Variants in NDUFAF6 observed in about 807,000 individuals in gnomAD.
NDUFAF6 encodes NADH dehydrogenase (ubiquinone) complex I, assembly factor 6.
Under a neutral mutation model 40.8 loss-of-function variants are expected in NDUFAF6, and 45 were observed. The observed-to-expected ratio is 1.10, with a 90% CI of 0.87 to 1.42. The LOEUF (loss-of-function observed/expected upper bound fraction) is 1.42, where lower values mean the gene tolerates loss of function less well. Among genes scored for constraint, NDUFAF6 ranks in the 40% most tolerant of loss-of-function variants. NDUFAF6 has a pLI of 0.00. For synonymous variants in NDUFAF6, 185 were observed against 155.9 expected (o/e 1.19, Z -1.39); for missense variants, 435 against 418.5 (o/e 1.04, Z -0.34).
At chr8:95,049,621 A>G (rs534906679) in intron 7 of NDUFAF6, among the ~76,000 whole-genome samples, 1 of 152,208 alleles carries the variant, frequency 6.6e-6, no homozygotes, top group African/African-American at 2.4e-5. Flanking sequence ...ACTTACCTGC[A>G]TACCACAGGG....
intron 1 of NDUFAF6, chr8:94,896,591 C>T (rs900599420): frequency 6.6e-6 from 1 of 152,094 alleles, no homozygotes; most frequent in South Asian, 2.1e-4. Flanking sequence ...GTCTCGGAAC[C>T]CGCGGTAGCT....
At chr8:95,074,401 T>C (rs148913919) in intron 9 of NDUFAF6, among the ~76,000 whole-genome samples, 1 of 151,852 alleles carries the variant, frequency 6.6e-6, no homozygotes, top group East Asian at 1.9e-4. Context: ...TGGTCTTTAA[T>C]CTGGGGCCAG....
upstream of NDUFAF6, among the ~76,000 whole-genome samples, chr8:95,097,907 G>A (rs1809519579): frequency 6.6e-6 from 1 of 152,160 alleles, no homozygotes; most frequent in South Asian, 2.1e-4. Flanking sequence ...AGATCTCTAG[G>A]CCTACTGGAG....
At chr8:95,056,905 C>CAAAA (rs33945993) in intron 8 of NDUFAF6, among the ~76,000 whole-genome samples, 1 of 141,070 alleles carries the variant, frequency 7.1e-6, no homozygotes, top group African/African-American at 2.6e-5. Flanking sequence ...GACTCTGTCT[C>CAAAA]AAAAAAAAAA....
At position 95,035,594 on chromosome 8, in the gene NDUFAF6, C is replaced by A. The variant is rs1203098201; in HGVS notation, c.420+18C>A. Reference sequence around the variant, plus strand: ...TATGGAAGGTAAAAAAAAAAAAATACCACTTTTAATTTGTATGAATATTAT... The same window carrying A: ...TATGGAAGGTAAAAAAAAAAAAATAACACTTTTAATTTGTATGAATATTAT... On this transcript the variant is annotated intron_variant, in intron 3 of 8. Coordinates refer to ENST00000396124, the MANE Select transcript of NDUFAF6 (RefSeq NM_152416.4). 7.2e-7 allele frequency: 1 copy of A among 1,394,756 alleles called. No homozygotes were observed. Among genetic ancestry groups the A allele is most frequent in the African/African-American group, 1.5e-5 (1 of 68,334 alleles). 86.4% of individuals were successfully genotyped at this position (1,394,756 alleles called of 1,614,324 possible).
intron 2 of NDUFAF6, among the ~76,000 whole-genome samples, chr8:95,012,643 A>AAAATAAATAAATAAATAAATAAAT (rs61552543): frequency 5.5e-4 from 81 of 147,418 alleles, no homozygotes; most frequent in African/African-American, 1.9e-3. Flanking sequence ...CTCTGTCTCT[A>AAAATAAATAAATAAATAAATAAAT]AAATAAATAA....
downstream of NDUFAF6, among the ~76,000 whole-genome samples, chr8:95,059,755 A>G (rs1165392058): frequency 6.6e-6 from 1 of 152,178 alleles, no homozygotes; most frequent in African/African-American, 2.4e-5. Flanking sequence ...AGGCCGAGGC[A>G]GGAGAATCAC....
intron 9 of NDUFAF6, among the ~76,000 whole-genome samples, chr8:95,066,616 A>G (rs1587221984): frequency 2.6e-5 from 4 of 151,770 alleles, no homozygotes; most frequent in African/African-American, 9.7e-5. Flanking sequence ...TCTCTCTTTC[A>G]CTGTGTTTAA....
At chr8:95,092,578 C>CTTTTT (rs528845192) in intron 2 of NDUFAF6, among the ~76,000 whole-genome samples, 1 of 77,800 alleles carries the variant, frequency 1.3e-5, no homozygotes, top group Non-Finnish European at 2.2e-5. Context: ...CTCACGAAGC[C>CTTTTT]TTTTTTTTTT....
chr8:94,960,672 CA>C (rs539973469), intron 1 of NDUFAF6, among the ~76,000 whole-genome samples: 246 of 152,290 alleles, frequency 1.6e-3, no homozygotes, highest in African/African-American at 5.6e-3. Flanking sequence ...CAGTATCCTC[CA>C]AAGTGTTTGT....
intron 2 of NDUFAF6, among the ~76,000 whole-genome samples, chr8:94,997,621 A>G (rs1406005723): frequency 1.3e-5 from 2 of 152,180 alleles, no homozygotes; most frequent in African/African-American, 4.8e-5. Flanking sequence ...GTCTTATTAA[A>G]AGGATTCACA....
At chr8:95,045,700 A>T in intron 5 of NDUFAF6, 53 bp downstream of exon 5, 2 of 1,441,326 alleles carry the variant, frequency 1.4e-6, no homozygotes, top group Non-Finnish European at 2.0e-6. Flanking sequence ...TACCTATGAG[A>T]TTTCACTTTT....
chr8:94,984,220 G>A (rs182522539), intron 2 of NDUFAF6: 108 of 152,138 alleles, frequency 7.1e-4, no homozygotes, highest in African/African-American at 2.5e-3. Flanking sequence ...CATCACCTAG[G>A]TTCAATAATT....
At chr8:94,965,927 A>G (rs930685187) in intron 1 of NDUFAF6, among the ~76,000 whole-genome samples, 1 of 152,214 alleles carries the variant, frequency 6.6e-6, no homozygotes, top group African/African-American at 2.4e-5. Flanking sequence ...CATTTCAGAG[A>G]TAAGAAAACA....
At chr8:94,896,914 C>T (rs1817649769) in intron 1 of NDUFAF6, among the ~76,000 whole-genome samples, 1 of 152,222 alleles carries the variant, frequency 6.6e-6, no homozygotes, top group African/African-American at 2.4e-5. Context: ...AAGGTGACAG[C>T]ATCAGGAGAA....
downstream of NDUFAF6, among the ~76,000 whole-genome samples, chr8:95,118,040 T>C (rs975269436): frequency 2.0e-5 from 3 of 152,256 alleles, no homozygotes; most frequent in East Asian, 1.9e-4. Context: ...CGTCAGGTGT[T>C]GACTGGAGCT....
chr8:95,111,850 A>G (rs1229316106), intron 4 of NDUFAF6, among the ~76,000 whole-genome samples: 1 of 152,194 alleles, frequency 6.6e-6, no homozygotes, highest in Non-Finnish European at 1.5e-5. Flanking sequence ...AAATGACCAT[A>G]TATTATATGA....
intron 1 of NDUFAF6, among the ~76,000 whole-genome samples, chr8:94,968,911 A>C (rs964335974): frequency 4.6e-5 from 7 of 152,156 alleles, no homozygotes; most frequent in Non-Finnish European, 8.8e-5. Context: ...CAGAAGGAGG[A>C]GTCAAAGATG....
intron 1 of NDUFAF6, among the ~76,000 whole-genome samples, chr8:94,932,857 T>C (rs1433922960): frequency 6.6e-6 from 1 of 152,138 alleles, no homozygotes; most frequent in Admixed American, 6.5e-5. Flanking sequence ...AAAAAAATTA[T>C]AGTTACTATT....
Sources: gnomAD v4.1 joint callset for allele counts (sites outside exome capture counted in the v4.1 genomes callset) on GRCh38, gnomAD v4.1.1 for gene constraint, MANE v1.5 for transcripts, NCBI Gene and HGNC (gene_info 2026-07-23, HGNC 2026-07-21) for gene names.